MSRA: variants seen among roughly 807,000 people sequenced by gnomAD.
MSRA encodes mitochondrial peptide methionine sulfoxide reductase.
MSRA carries 54 observed loss-of-function variants against 31.3 expected under a neutral mutation model. That is an observed-to-expected ratio of 1.73 (90% confidence interval 1.39 to 2.17). MSRA has a LOEUF of 2.17. MSRA is among the 30% of genes most tolerant of loss of function. The pLI, the probability that MSRA is intolerant of heterozygous loss-of-function variation, is 0.00. For synonymous variants in MSRA, 169 were observed against 116.5 expected (o/e 1.45, Z -2.90); for missense variants, 507 against 300.9 (o/e 1.69, Z -5.07).
intron 3 of MSRA, among the ~76,000 whole-genome samples, chr8:10,290,824 C>A (rs1014773439): frequency 2.0e-5 from 3 of 152,182 alleles, no homozygotes; most frequent in Non-Finnish European, 4.4e-5. Flanking sequence ...TAATAAACTG[C>A]ATTGGTTCTC....
rs115447212 is a variant in MSRA, at chr8:10,391,831, C to T, written c.544-36317C>T. Among the ~76,000 whole-genome samples, 452 of 152,286 alleles carry T rather than the reference C, an allele frequency of 3.0e-3. 6 individuals are homozygous for T. The highest frequency in any genetic ancestry group is 7.2e-3 in the African/African-American group (301 of 41,552). On this transcript the variant is annotated intron_variant, in intron 5 of 5. Transcript: ENST00000317173. ...AGAGACAGAATTATGAGTGAGCAGACGGTGGTGTCTTTTAAATACCGCATT... is the reference window on the plus strand; with the variant it reads ...AGAGACAGAATTATGAGTGAGCAGATGGTGGTGTCTTTTAAATACCGCATT...
At chr8:10,401,726 G>A (rs562824452) in intron 5 of MSRA, among the ~76,000 whole-genome samples, 1 of 152,318 alleles carries the variant, frequency 6.6e-6, no homozygotes, top group East Asian at 1.9e-4. Context: ...ACTGCAGCCT[G>A]AAAAGGGAAG....
chr8:10,207,133 G>C (rs1809063324), intron 1 of MSRA, among the ~76,000 whole-genome samples: 1 of 152,184 alleles, frequency 6.6e-6, no homozygotes, highest in Non-Finnish European at 1.5e-5. Context: ...CACAGTTTGG[G>C]GGTTGTAAGA....
At chr8:10,200,149 A>G (rs924427565) in intron 1 of MSRA, among the ~76,000 whole-genome samples, 1 of 152,154 alleles carries the variant, frequency 6.6e-6, no homozygotes, top group Non-Finnish European at 1.5e-5. Context: ...CGGGAGGTGT[A>G]TCTCCGTTCT....
At position 10,274,059 on chromosome 8, in the gene MSRA, G is replaced by GT. The variant is rs566749670; in HGVS notation, c.332-27475_332-27474insT. On this transcript the variant is annotated intron_variant, in intron 3 of 5. Coordinates refer to ENST00000317173, the MANE Select transcript of MSRA (RefSeq NM_012331.5). ...CTTCTTCCTCATGTGTCCCTCCGGC[G>GT]CCCTCTACTGACAGGGGTTAGCATC... Among the ~76,000 whole-genome samples, 4 of 152,230 alleles carry GT rather than the reference G, an allele frequency of 2.6e-5. No individual in the cohort carries two copies. In the South Asian group the frequency reaches 8.3e-4, roughly 32 times the overall value.
intron 1 of MSRA, among the ~76,000 whole-genome samples, chr8:10,099,244 T>A (rs959191035): frequency 6.6e-6 from 1 of 152,180 alleles, no homozygotes; most frequent in African/African-American, 2.4e-5. Flanking sequence ...GATGTACTTG[T>A]AGGCTGCTTT....
At chr8:10,068,756 A>C (rs777617776) in intron 1 of MSRA, among the ~76,000 whole-genome samples, 1 of 152,106 alleles carries the variant, frequency 6.6e-6, no homozygotes, top group Non-Finnish European at 1.5e-5. Context: ...TGAGTTAGCT[A>C]TTCTTTTTTT....
At chr8:10,424,591 A>G (rs1809018389) in intron 5 of MSRA, among the ~76,000 whole-genome samples, 1 of 141,650 alleles carries the variant, frequency 7.1e-6, no homozygotes, top group African/African-American at 2.7e-5. Flanking sequence ...TGGGGTGGAG[A>G]GGGACAGGGA....
intron 5 of MSRA, among the ~76,000 whole-genome samples, chr8:10,348,617 C>A (rs1054921872): frequency 6.6e-6 from 1 of 152,068 alleles, no homozygotes; most frequent in Admixed American, 6.6e-5. Flanking sequence ...ATCCGCCTGC[C>A]TCGGCCTCCC....
rs140785878 is a variant in MSRA at position 10,062,481 on chromosome 8, T to A, written c.142+7823T>A. Among the ~76,000 whole-genome samples the A allele has an allele frequency of 2.8e-3, 424 of 152,334 alleles. 4 individuals are homozygous for A. Among genetic ancestry groups the A allele is most frequent in the African/African-American group, 9.5e-3 (396 of 41,562 alleles). On this transcript the variant is annotated intron_variant, in intron 1 of 5. Transcript: ENST00000317173. Reference sequence around the variant, plus strand: ...ACTGAGGGCAGGAATTGACTTACTCTTTGTACCCGGAACACAGTAAGCTGA... The same window carrying A: ...ACTGAGGGCAGGAATTGACTTACTCATTGTACCCGGAACACAGTAAGCTGA...
intron 1 of MSRA, among the ~76,000 whole-genome samples, chr8:10,140,239 G>T (rs1286263363): frequency 1.3e-5 from 2 of 152,130 alleles, no homozygotes; most frequent in African/African-American, 4.8e-5. Context: ...AGATGTGGTT[G>T]TTCCTTCCTC....
At chr8:10,087,716 G>C (rs1053214610) in intron 1 of MSRA, among the ~76,000 whole-genome samples, 1 of 152,170 alleles carries the variant, frequency 6.6e-6, no homozygotes, top group Non-Finnish European at 1.5e-5. Context: ...TAAATATTCT[G>C]AGAGTGCCAT....
At chr8:10,113,289 C>CTTTTTTTTTATT (rs1467440154) in intron 1 of MSRA, among the ~76,000 whole-genome samples, 1 of 50,898 alleles carries the variant, frequency 2.0e-5, no homozygotes, top group Non-Finnish European at 3.2e-5. Flanking sequence ...GAAGACAGGT[C>CTTTTTTTTTATT]TTCTTTTTTT....
At position 10,302,446 on chromosome 8, in the gene MSRA, A is replaced by C. The variant is rs1800898584; in HGVS notation, c.436+808A>C. On this transcript the variant is annotated intron_variant, in intron 4 of 5. Transcript: ENST00000317173. ...ATTTGGCAGTCAGTCTATTTCACCA[A>C]AGTATTTTCTCTTTGGTGTCAGATT... 2.0e-5 allele frequency among the ~76,000 whole-genome samples: 3 copies of C among 152,206 alleles called. No individual in the cohort carries two copies. The South Asian group carries it at 6.2e-4, about 31-fold the overall frequency.
chr8:10,197,828 C>T (rs555389183), intron 1 of MSRA, among the ~76,000 whole-genome samples: 20 of 152,250 alleles, frequency 1.3e-4, no homozygotes, highest in East Asian at 3.9e-4. Context: ...TGGAAGTCCC[C>T]GAACAGCTTG....
At chr8:10,225,381 G>A (rs939425917) in intron 2 of MSRA, among the ~76,000 whole-genome samples, 1 of 152,168 alleles carries the variant, frequency 6.6e-6, no homozygotes, top group Admixed American at 6.5e-5. Flanking sequence ...ACCCATCTCT[G>A]CCTGTGCTCT....
chr8:10,414,538 T>G (rs928942361), intron 5 of MSRA, among the ~76,000 whole-genome samples: 3 of 152,186 alleles, frequency 2.0e-5, no homozygotes, highest in African/African-American at 7.2e-5. Flanking sequence ...CTGTCAACCG[T>G]CTGCAGTGAG....
chr8:10,054,475 T>C lies in MSRA; in HGVS notation c.-42T>C, dbSNP rs1802170563. ...GTTCCGGCTGCGGCTCCGCTGCCGGTAGCGCCGTCCCCCGGGACCACCCTT... is the reference window on the plus strand; with the variant it reads ...GTTCCGGCTGCGGCTCCGCTGCCGGCAGCGCCGTCCCCCGGGACCACCCTT... On this transcript the variant is annotated 5_prime_UTR_variant, in exon 1 of 6. Coordinates refer to ENST00000317173, the MANE Select transcript of MSRA (RefSeq NM_012331.5). 1.4e-6 allele frequency: 2 copies of C among 1,447,902 alleles called. No individual in the cohort carries two copies. Among genetic ancestry groups the C allele is most frequent in the South Asian group, 2.4e-5 (2 of 84,004 alleles). 89.7% of individuals were successfully genotyped at this position (1,447,902 alleles called of 1,614,324 possible).
At chr8:10,337,204 G>C (rs1056693702) in intron 5 of MSRA, 5 of 152,288 alleles carry the variant, frequency 3.3e-5, no homozygotes, top group Admixed American at 1.3e-4. Context: ...TTCTGAGACG[G>C]AGTCTCACTC....
Sources: gnomAD v4.1 joint callset for allele counts (sites outside exome capture counted in the v4.1 genomes callset) on GRCh38, gnomAD v4.1.1 for gene constraint, MANE v1.5 for transcripts, NCBI Gene and HGNC (gene_info 2026-07-23, HGNC 2026-07-21) for gene names.